MVB12B: variants seen among roughly 807,000 people sequenced by gnomAD.
MVB12B encodes the protein ESCRT-I complex subunit MVB12B.
A neutral mutation model predicts 41.6 loss-of-function variants in MVB12B; 16 were observed. That is an observed-to-expected ratio of 0.38 (90% confidence interval 0.26 to 0.58). The LOEUF (loss-of-function observed/expected upper bound fraction) is 0.58, where lower values mean the gene tolerates loss of function less well. Among genes scored for constraint, MVB12B ranks in the 20% least tolerant of loss-of-function variants. The pLI, the probability that MVB12B is intolerant of heterozygous loss-of-function variation, is 0.62. For synonymous variants in MVB12B, 133 were observed against 139.7 expected, an observed-to-expected ratio of 0.95 and a Z score of 0.34; for missense variants, 274 against 380.2, an observed-to-expected ratio of 0.72 and a Z score of 2.32.
chr9:126,418,739 G>A (rs148136359), intron 6 of MVB12B, among the ~76,000 whole-genome samples: 102 of 152,128 alleles, frequency 6.7e-4, no homozygotes, highest in East Asian at 2.5e-3. Flanking sequence ...GACTCCCCAC[G>A]GAGCCTCGAG....
chr9:126,432,930 G>A (rs1226025377), intron 7 of MVB12B, among the ~76,000 whole-genome samples: 1 of 152,130 alleles, frequency 6.6e-6, no homozygotes. Context: ...ACTCTCACGT[G>A]GGCCCCTGGA....
intron 7 of MVB12B, among the ~76,000 whole-genome samples, chr9:126,442,061 T>C (rs1164369138): frequency 6.6e-6 from 1 of 152,192 alleles, no homozygotes; most frequent in Admixed American, 6.5e-5. Context: ...CTCCTTGACT[T>C]TGATTTTTTC....
chr9:126,329,312 G>A (rs1443651001), intron 1 of MVB12B, among the ~76,000 whole-genome samples: 2 of 152,234 alleles, frequency 1.3e-5, no homozygotes, highest in Non-Finnish European at 2.9e-5. Flanking sequence ...AGGAGCTAAT[G>A]TATGTGACTG....
In MVB12B at chr9:126,440,648, C is replaced by T. The variant is rs531677179; in HGVS notation, c.757+18700C>T. Reference sequence around the variant, plus strand: ...CTTCTAAACGTGTAGCAAAAAAAATCTGTTTTGGTATTTCCCTCTTTCAGA... The same window carrying T: ...CTTCTAAACGTGTAGCAAAAAAAATTTGTTTTGGTATTTCCCTCTTTCAGA... On this transcript the variant is annotated intron_variant, in intron 7 of 9. Transcript: ENST00000361171. Among the ~76,000 whole-genome samples the T allele has an allele frequency of 7.2e-5, 11 of 152,160 alleles. 1 individual carries two copies. In the South Asian group the frequency reaches 8.3e-4, roughly 11 times the overall value.
chr9:126,411,399 A>G (rs879927687), intron 6 of MVB12B, among the ~76,000 whole-genome samples: 1 of 152,248 alleles, frequency 6.6e-6, no homozygotes, highest in Non-Finnish European at 1.5e-5. Context: ...AGCACACAGT[A>G]GGAGCACAAT....
At chr9:126,481,470 C>T in intron 8 of MVB12B, 46 bp downstream of exon 8, 1 of 1,398,540 alleles carries the variant, frequency 7.2e-7, no homozygotes, top group Non-Finnish European at 1.0e-6. Flanking sequence ...ACCCCCCAGC[C>T]TGAGGTCCCT....
chr9:126,397,218 G>C (rs903203682), intron 6 of MVB12B: 2 of 985,368 alleles, frequency 2.0e-6, no homozygotes, highest in African/African-American at 3.5e-5. Flanking sequence ...GCCCAGAAAT[G>C]GGCACCACCT....
intron 7 of MVB12B, among the ~76,000 whole-genome samples, chr9:126,422,537 A>G (rs1242940853): frequency 1.3e-5 from 2 of 152,194 alleles, no homozygotes; most frequent in Non-Finnish European, 2.9e-5. Context: ...ATTGAGATTC[A>G]TTAGGTGCTT....
At chr9:126,327,887 CA>C (rs1053556614) in intron 1 of MVB12B, among the ~76,000 whole-genome samples, 10 of 152,192 alleles carry the variant, frequency 6.6e-5, no homozygotes, top group African/African-American at 2.4e-4. Context: ...TTCCTGCCCC[CA>C]CCCAAGAACC....
At chr9:126,358,531 C>T (rs1336490842) in intron 2 of MVB12B, among the ~76,000 whole-genome samples, 1 of 152,116 alleles carries the variant, frequency 6.6e-6, no homozygotes, top group Admixed American at 6.5e-5. Flanking sequence ...GATCTTTTGT[C>T]TAATCTTTCA....
intron 9 of MVB12B, among the ~76,000 whole-genome samples, chr9:126,494,818 G>A (rs1233891652): frequency 6.6e-6 from 1 of 151,974 alleles, no homozygotes; most frequent in African/African-American, 2.4e-5. Context: ...CTTTTTAGGT[G>A]GTATTCAGGT....
At chr9:126,351,066 G>C (rs1159643819) in intron 2 of MVB12B, among the ~76,000 whole-genome samples, 2 of 152,148 alleles carry the variant, frequency 1.3e-5, no homozygotes, top group Non-Finnish European at 2.9e-5. Context: ...TCTTTCGCCA[G>C]CGTTTTGTAG....
chr9:126,378,343 GT>G (rs1369769887), intron 2 of MVB12B, among the ~76,000 whole-genome samples: 1 of 152,198 alleles, frequency 6.6e-6, no homozygotes, highest in Non-Finnish European at 1.5e-5. Context: ...AAGAATTTAG[GT>G]TATTAGGCAC....
rs1009344488 is a variant in MVB12B, at chr9:126,506,938, T to C, written c.*3675T>C. On this transcript the variant is annotated 3_prime_UTR_variant, in exon 10 of 10. Coordinates refer to ENST00000361171, the MANE Select transcript of MVB12B (RefSeq NM_033446.3). ...CCTTAGGGATGACGTCCCCGCTGCA[T>C]ATTTATTCAAGGTGACTCTTGTACT... The C allele has an allele frequency of 1.3e-5, 2 of 152,708 alleles. No homozygotes were observed. Among genetic ancestry groups the C allele is most frequent in the African/African-American group, 4.8e-5 (2 of 41,470 alleles). 9.5% of individuals were successfully genotyped at this position (152,708 alleles called of 1,614,324 possible).
At chr9:126,375,419 A>G (rs1830454853) in intron 2 of MVB12B, among the ~76,000 whole-genome samples, 1 of 57,118 alleles carries the variant, frequency 1.8e-5, no homozygotes. Flanking sequence ...TCATTGTTCT[A>G]AATGCTCTAA....
At chr9:126,366,822 C>T (rs1311321210) in intron 2 of MVB12B, among the ~76,000 whole-genome samples, 6 of 152,166 alleles carry the variant, frequency 3.9e-5, no homozygotes, top group African/African-American at 1.4e-4. Context: ...TGACTCCACG[C>T]AGCCAGCCTG....
chr9:126,363,697 G>A (rs559396501), intron 2 of MVB12B, among the ~76,000 whole-genome samples: 1 of 152,286 alleles, frequency 6.6e-6, no homozygotes, highest in African/African-American at 2.4e-5. Context: ...GTAATGAATG[G>A]ACTTCACTGG....
rs1342470958 is a variant in MVB12B at position 126,376,437 on chromosome 9, GGATTTAA to G, written c.205-4623_205-4617del. 8.7e-7 allele frequency: 1 copy of G among 1,155,882 alleles called. No individual in the cohort carries two copies. Among genetic ancestry groups the G allele is most frequent in the Admixed American group, 2.3e-5 (1 of 43,386 alleles). The allele number at this position is 1,155,882 out of a possible 1,614,324, so 71.6% of individuals were successfully genotyped here. A position where few individuals can be genotyped will look rare whatever the true frequency, so the allele number is the denominator to read the frequency against. On this transcript the variant is annotated intron_variant, in intron 2 of 9. Coordinates refer to ENST00000361171, the MANE Select transcript of MVB12B (RefSeq NM_033446.3). This position sits in a 1 kb window ranked among gnomAD's most constrained non-coding sequence, Gnocchi z 4.1. ...CCTGGTGACCCTTTGTTGTGGGTTG[GGATTTAA>G]GATGGAGGCACCAGCTCATGGGCTG...
Position 126,503,475 on chromosome 9 carries a change from C to A in MVB12B, c.*212C>A. The stretch of plus-strand genomic sequence containing the variant: ...CCTCCCTGGGGACATTGTTCATAAC[C>A]ATGACTAATCTGTGTGTGCTGTAGT... On this transcript the variant is annotated 3_prime_UTR_variant, in exon 10 of 10. Transcript: ENST00000361171. 1.7e-6 allele frequency: 1 copy of A among 592,612 alleles called. No homozygotes were observed. Among genetic ancestry groups the A allele is most frequent in the Non-Finnish European group, 3.0e-6 (1 of 332,002 alleles). The allele number at this position is 592,612 out of a possible 1,614,324, so 36.7% of individuals were successfully genotyped here. A position where few individuals can be genotyped will look rare whatever the true frequency, so the allele number is the denominator to read the frequency against.
Sources: gnomAD v4.1 joint callset for allele counts (sites outside exome capture counted in the v4.1 genomes callset) on GRCh38, gnomAD v4.1.1 for gene constraint, Gnocchi (gnomAD v3.1) non-coding constraint, MANE v1.5 for transcripts, NCBI Gene and HGNC (gene_info 2026-07-23, HGNC 2026-07-21) for gene names.